SDHC: variants seen among roughly 807,000 people sequenced by gnomAD.
SDHC encodes the protein succinate dehydrogenase cytochrome b560 subunit, mitochondrial.
A neutral mutation model predicts 22.6 loss-of-function variants in SDHC; 11 were observed. The ratio of observed to expected loss-of-function variants is 0.49; its 90% CI spans 0.31 to 0.81. SDHC has a LOEUF of 0.81. SDHC is among the 30% of genes least tolerant of loss of function. SDHC has a pLI of 0.05. For missense variants in SDHC, 160 were observed against 212.0 expected, an observed-to-expected ratio of 0.75 and a Z score of 1.52; for synonymous variants, 80 against 77.8, an observed-to-expected ratio of 1.03 and a Z score of -0.15.
At chr1:161,329,157 C>T (rs975727104) in intron 3 of SDHC, among the ~76,000 whole-genome samples, 2 of 152,086 alleles carry the variant, frequency 1.3e-5, no homozygotes, top group Admixed American at 6.6e-5. Flanking sequence ...CCGCCCGCCT[C>T]GGCCTCCCAA....
chr1:161,331,455 A>G (rs749964323), intron 3 of SDHC, among the ~76,000 whole-genome samples: 3 of 151,884 alleles, frequency 2.0e-5, no homozygotes, highest in Non-Finnish European at 4.4e-5. Flanking sequence ...TTTTATAGAC[A>G]TGGTGTATCA....
chr1:161,339,564 C>T, intron 3 of SDHC: 2 of 1,265,244 alleles, frequency 1.6e-6, no homozygotes, highest in Non-Finnish European at 2.1e-6. Flanking sequence ...TTTCTCAGCC[C>T]TATCAGTGAT....
Position 161,333,373 on chromosome 1 carries a change from T to C in SDHC, c.179+4876T>C, listed in dbSNP as rs906471915. On this transcript the variant is annotated intron_variant, in intron 3 of 5. Coordinates refer to ENST00000367975, the MANE Select transcript of SDHC (RefSeq NM_003001.5). ...GGGTATATACCTAGGAGTAGAATTA[T>C]TGCATCATATGGTAACTCTATGTTT... Among the ~76,000 whole-genome samples, 12 of 152,232 alleles carry C rather than the reference T, an allele frequency of 7.9e-5. No homozygotes were observed. In the East Asian group the frequency reaches 1.9e-3, roughly 24 times the overall value.
intron 3 of SDHC, among the ~76,000 whole-genome samples, chr1:161,330,804 A>G (rs915831481): frequency 6.6e-6 from 1 of 152,114 alleles, no homozygotes; most frequent in Non-Finnish European, 1.5e-5. Flanking sequence ...GTTTGAGACC[A>G]GATTGGGCAA....
At chr1:161,319,203 A>G (rs968275210) in intron 1 of SDHC, among the ~76,000 whole-genome samples, 2 of 151,868 alleles carry the variant, frequency 1.3e-5, no homozygotes, top group Non-Finnish European at 2.9e-5. Context: ...CCTGGGCAAT[A>G]GGAGCGAAAC....
At chr1:161,326,352 G>A (rs936600676) in intron 2 of SDHC, among the ~76,000 whole-genome samples, 8 of 151,940 alleles carry the variant, frequency 5.3e-5, no homozygotes, top group Non-Finnish European at 7.4e-5. Flanking sequence ...TACTGTTACC[G>A]GAAAAGGGGT....
At chr1:161,330,626 G>C (rs1225755786) in intron 3 of SDHC, among the ~76,000 whole-genome samples, 1 of 152,158 alleles carries the variant, frequency 6.6e-6, no homozygotes, top group Non-Finnish European at 1.5e-5. Context: ...AAATTTCGGG[G>C]TATGACAGTC....
rs1441996883 is a variant in SDHC, at chr1:161,362,580, A to G, written c.*147A>G. On this transcript the variant is annotated 3_prime_UTR_variant, in exon 6 of 6. Transcript: ENST00000367975. ...TCAGATCTCCTTGGAGCAGTAGAGT[A>G]CCTGGTAGACCATAATAGTGGAAAA... 2 of 1,608,680 alleles carry G rather than the reference A, an allele frequency of 1.2e-6. No homozygotes were observed. The highest frequency in any genetic ancestry group is 8.5e-7 in the Non-Finnish European group (1 of 1,177,822).
chr1:161,342,956 G>A (rs1418949873), intron 4 of SDHC, among the ~76,000 whole-genome samples: 2 of 152,138 alleles, frequency 1.3e-5, no homozygotes, highest in African/African-American at 4.8e-5. Flanking sequence ...TTTAGCCTGG[G>A]AGCAATGCCT....
chr1:161,339,678 T>TTTTTTTG (rs1558173838), intron 3 of SDHC: 4 of 390,700 alleles, frequency 1.0e-5, no homozygotes, highest in African/African-American at 2.5e-5. Context: ...TTTTTTTTTT[T>TTTTTTTG]TTTTTTTTTT....
intron 4 of SDHC, among the ~76,000 whole-genome samples, chr1:161,346,818 T>C (rs1313548975): frequency 6.6e-6 from 1 of 152,232 alleles, no homozygotes; most frequent in Non-Finnish European, 1.5e-5. Flanking sequence ...AATCTACAGA[T>C]ACTCAAGTCC....
chr1:161,354,056 G>C (rs1043534089), intron 4 of SDHC, among the ~76,000 whole-genome samples: 2 of 151,850 alleles, frequency 1.3e-5, no homozygotes, highest in Non-Finnish European at 2.9e-5. Context: ...TCATTATGTT[G>C]CCCAGGCTGG....
At chr1:161,317,899 C>T (rs1670686732) in intron 1 of SDHC, among the ~76,000 whole-genome samples, 1 of 151,936 alleles carries the variant, frequency 6.6e-6, no homozygotes. Context: ...TGTGGCTGGG[C>T]ATGGTGGCTC....
intron 5 of SDHC, among the ~76,000 whole-genome samples, chr1:161,358,190 C>A (rs901586307): frequency 8.0e-5 from 12 of 150,152 alleles, no homozygotes. Context: ...GTGCCCACAA[C>A]CACGGCCAGC....
At chr1:161,332,812 A>G (rs139128498) in intron 3 of SDHC, among the ~76,000 whole-genome samples, 3,000 of 151,898 alleles carry the variant, frequency 0.02, 80 homozygotes, top group African/African-American at 0.065. Context: ...TTGTGTTTTT[A>G]GTAGAGACAG....
intron 4 of SDHC, among the ~76,000 whole-genome samples, chr1:161,345,931 G>A (rs1027792215): frequency 3.3e-5 from 5 of 151,620 alleles, no homozygotes; most frequent in Admixed American, 6.6e-5. Context: ...TCAGCCTCCC[G>A]GGTAGCTGGG....
At chr1:161,320,158 T>G (rs1670789399) in intron 1 of SDHC, among the ~76,000 whole-genome samples, 1 of 152,164 alleles carries the variant, frequency 6.6e-6, no homozygotes, top group African/African-American at 2.4e-5. Flanking sequence ...GGATATAGAC[T>G]ATAGCAATGG....
At chr1:161,336,131 T>C (rs931279373) in intron 3 of SDHC, among the ~76,000 whole-genome samples, 2 of 152,206 alleles carry the variant, frequency 1.3e-5, no homozygotes, top group Non-Finnish European at 2.9e-5. Context: ...TATTTCTTGC[T>C]TCTCAATCGT....
At chr1:161,342,775 G>A (rs1671766408) in intron 4 of SDHC, among the ~76,000 whole-genome samples, 1 of 152,090 alleles carries the variant, frequency 6.6e-6, no homozygotes. Context: ...GGTTACAGGC[G>A]TGAGCCACTG....
Sources: allele counts gnomAD v4.1 joint callset (sites outside exome capture counted in the v4.1 genomes callset), GRCh38; gene constraint gnomAD v4.1.1; transcripts MANE v1.5; gene names NCBI Gene and HGNC (gene_info 2026-07-23, HGNC 2026-07-21).